PDE5A: variants seen among roughly 807,000 people sequenced by gnomAD.
The protein encoded by PDE5A is cGMP-specific 3',5'-cyclic phosphodiesterase.
PDE5A carries 67 observed loss-of-function variants against 110.2 expected under a neutral mutation model. The ratio of observed to expected loss-of-function variants is 0.61; its 90% CI spans 0.50 to 0.75. PDE5A has a LOEUF of 0.75. PDE5A is among the 30% of genes least tolerant of loss of function. The pLI is 0.00. For synonymous variants in PDE5A, 328 were observed against 351.2 expected, an observed-to-expected ratio of 0.93 and a Z score of 0.74; for missense variants, 862 against 1,045.1, an observed-to-expected ratio of 0.82 and a Z score of 2.42.
At chr4:119,534,879 G>T (rs1236848989) in intron 11 of PDE5A, among the ~76,000 whole-genome samples, 1 of 152,150 alleles carries the variant, frequency 6.6e-6, no homozygotes, top group Non-Finnish European at 1.5e-5. Context: ...GTCATGGGAA[G>T]TTTTTGGCTC....
intron 3 of PDE5A, among the ~76,000 whole-genome samples, chr4:119,583,044 G>T (rs1332142646): frequency 6.6e-6 from 1 of 152,272 alleles, no homozygotes; most frequent in East Asian, 1.9e-4. Context: ...CCTATCCTTT[G>T]ATGCTTTGAA....
chr4:119,579,882 T>A (rs1728524790), intron 3 of PDE5A, among the ~76,000 whole-genome samples: 1 of 152,182 alleles, frequency 6.6e-6, no homozygotes, highest in African/African-American at 2.4e-5. Flanking sequence ...ACGTGAATTT[T>A]AAAACATTTT....
At chr4:119,612,919 G>A (rs1432196582) in intron 1 of PDE5A, among the ~76,000 whole-genome samples, 2 of 152,196 alleles carry the variant, frequency 1.3e-5, no homozygotes, top group Non-Finnish European at 2.9e-5. Context: ...CAAAGCCACT[G>A]ACAATTAAGA....
At chr4:119,611,298 G>C (rs918635253) in intron 1 of PDE5A, among the ~76,000 whole-genome samples, 5 of 152,124 alleles carry the variant, frequency 3.3e-5, no homozygotes, top group Non-Finnish European at 7.4e-5. Flanking sequence ...TTAGTGCTAC[G>C]TGTTCACTGC....
intron 1 of PDE5A, among the ~76,000 whole-genome samples, chr4:119,620,038 T>A (rs1578834453): frequency 6.6e-6 from 1 of 152,302 alleles, no homozygotes; most frequent in East Asian, 1.9e-4. Flanking sequence ...GCCCTGGCAT[T>A]TAGTGTCTGG....
At chr4:119,626,031 A>G (rs576827880) in intron 1 of PDE5A, among the ~76,000 whole-genome samples, 2 of 152,268 alleles carry the variant, frequency 1.3e-5, no homozygotes, top group East Asian at 3.9e-4. Context: ...TTACACTTTC[A>G]TTTTCCAACT....
chr4:119,544,596 C>G (rs1727068964), intron 9 of PDE5A, among the ~76,000 whole-genome samples: 1 of 152,170 alleles, frequency 6.6e-6, no homozygotes, highest in Non-Finnish European at 1.5e-5. Flanking sequence ...ATCCTCACAT[C>G]ACAATGGAAT....
chr4:119,595,265 T>C (rs375805205), intron 3 of PDE5A, among the ~76,000 whole-genome samples: 12 of 152,208 alleles, frequency 7.9e-5, no homozygotes, highest in African/African-American at 2.9e-4. Context: ...TCTAATATGA[T>C]TGGCAGTGGT....
chr4:119,539,406 G>A (rs1726845595), intron 10 of PDE5A, among the ~76,000 whole-genome samples: 1 of 151,604 alleles, frequency 6.6e-6, no homozygotes, highest in Admixed American at 6.6e-5. Flanking sequence ...GAATTAAAGA[G>A]AAAATCTCTG....
intron 7 of PDE5A, 55 bp downstream of exon 7, chr4:119,560,241 A>G: frequency 4.1e-6 from 4 of 970,474 alleles, no homozygotes; most frequent in South Asian, 1.6e-5. Flanking sequence ...TGAAATAACT[A>G]TTTAGCCAAT....
At chr4:119,547,029 C>T (rs1309559474) in intron 9 of PDE5A, among the ~76,000 whole-genome samples, 6 of 150,038 alleles carry the variant, frequency 4.0e-5, no homozygotes, top group Non-Finnish European at 5.9e-5. Flanking sequence ...TATTTTGCCT[C>T]CTTTTTTTCT....
chr4:119,498,725 AC>A lies in PDE5A; in HGVS notation c.2503del (p.Val835CysfsTer9). 6.2e-7 allele frequency: 1 copy of A among 1,613,930 alleles called. No individual in the cohort carries two copies. On this transcript the variant is annotated frameshift_variant, in exon 21 of 21. Transcript: ENST00000354960. LOFTEE classifies it high-confidence loss of function. ...TAGCAAAGGGAAACAGTCCTCTGACACGTGGGTCAGGGCCTAAAGAGAAAAA... is the reference window on the plus strand; with the variant it reads ...TAGCAAAGGGAAACAGTCCTCTGACAGTGGGTCAGGGCCTAAAGAGAAAAA... ...CLQLYEALTH[V>X]SEDCFPLLDG... is the part of the protein sequence containing the mutation.
At chr4:119,600,142 T>C (rs2892869) in intron 2 of PDE5A, among the ~76,000 whole-genome samples, 72,661 of 151,592 alleles carry the variant, frequency 0.48, 17,712 homozygotes, top group South Asian at 0.64. Flanking sequence ...GAGAAAGATA[T>C]TAAAATCTAG....
chr4:119,587,541 GC>G (rs1728807109), intron 3 of PDE5A, among the ~76,000 whole-genome samples: 2 of 151,914 alleles, frequency 1.3e-5, no homozygotes, highest in Admixed American at 1.3e-4. Context: ...CCGCCACCGC[GC>G]CCGGCTAATT....
At chr4:119,620,794 G>A (rs1338938391) in intron 1 of PDE5A, among the ~76,000 whole-genome samples, 5 of 152,160 alleles carry the variant, frequency 3.3e-5, no homozygotes, top group African/African-American at 1.2e-4. Context: ...TTGTGTTAAT[G>A]AGAAAATAAA....
intron 1 of PDE5A, among the ~76,000 whole-genome samples, chr4:119,619,966 C>T (rs1231220514): frequency 1.3e-5 from 2 of 152,078 alleles, no homozygotes; most frequent in Non-Finnish European, 2.9e-5. Flanking sequence ...GTAGTGGTGC[C>T]AACCCTTGAG....
At chr4:119,506,733 C>CTAT (rs1725566969) in intron 16 of PDE5A, among the ~76,000 whole-genome samples, 1 of 151,726 alleles carries the variant, frequency 6.6e-6, no homozygotes, top group Non-Finnish European at 1.5e-5. Flanking sequence ...CTGAAGTTTA[C>CTAT]TATTAATATA....
chr4:119,576,124 C>G (rs1450988608), intron 3 of PDE5A, among the ~76,000 whole-genome samples: 2 of 131,786 alleles, frequency 1.5e-5, no homozygotes, highest in East Asian at 4.6e-4. Context: ...ATCAATTCAA[C>G]AAGAAGAGCT....
chr4:119,527,259 A>G (rs1726358723), intron 11 of PDE5A: 1 of 152,096 alleles, frequency 6.6e-6, no homozygotes, highest in South Asian at 2.1e-4. Flanking sequence ...TCTCTCTACT[A>G]AGAGAAAAGA....
Sources: gnomAD v4.1 joint callset for allele counts (sites outside exome capture counted in the v4.1 genomes callset) on GRCh38, gnomAD v4.1.1 for gene constraint, MANE v1.5 for transcripts, NCBI Gene and HGNC (gene_info 2026-07-23, HGNC 2026-07-21) for gene names.